GRK5: variants seen among roughly 807,000 people sequenced by gnomAD.
The protein encoded by GRK5 is G protein-coupled receptor kinase 5.
Under a neutral mutation model 78.4 loss-of-function variants are expected in GRK5, and 40 were observed. The ratio of observed to expected loss-of-function variants is 0.51; its 90% CI spans 0.40 to 0.66. The LOEUF (loss-of-function observed/expected upper bound fraction) is 0.66. Among genes scored for constraint, GRK5 ranks in the 30% least tolerant of loss-of-function variants. The probability of loss-of-function intolerance (pLI) is 0.00; values close to 1 mark genes in which losing one functional copy is unlikely to be tolerated. For missense variants in GRK5, 598 were observed against 759.9 expected (o/e 0.79, Z 2.50); for synonymous variants, 289 against 296.8 (o/e 0.97, Z 0.27).
chr10:119,325,212 G>C lies in GRK5; in HGVS notation c.53-1304G>C, dbSNP rs1052117242. 4.7e-4 allele frequency among the ~76,000 whole-genome samples: 72 copies of C among 152,314 alleles called. 1 individual carries two copies. Among genetic ancestry groups the C allele is most frequent in the Middle Eastern group, 3.4e-3 (1 of 294 alleles). On this transcript the variant is annotated intron_variant, in intron 1 of 15. Coordinates refer to ENST00000392870, the MANE Select transcript of GRK5 (RefSeq NM_005308.3). ...CCTACTTTTAAACACATGCTACCTT[G>C]TTTTCCCTCCTTTCAGCTTTGGGAG...
chr10:119,346,105 C>T (rs147595421), intron 2 of GRK5, among the ~76,000 whole-genome samples: 9 of 152,050 alleles, frequency 5.9e-5, no homozygotes, highest in East Asian at 5.8e-4. Context: ...CTAGAAGGTG[C>T]GTGTGCCTCC....
At chr10:119,383,122 C>T (rs1051083330) in intron 3 of GRK5, among the ~76,000 whole-genome samples, 5 of 152,126 alleles carry the variant, frequency 3.3e-5, no homozygotes, top group East Asian at 1.9e-4. Flanking sequence ...GGGGTCTCAC[C>T]GTGTTAGCCA....
At chr10:119,394,135 T>C (rs1851939450) in intron 3 of GRK5, among the ~76,000 whole-genome samples, 2 of 76,944 alleles carry the variant, frequency 2.6e-5, no homozygotes, top group South Asian at 4.7e-4. Flanking sequence ...TGTGTGTGGG[T>C]ATCTGTGGGT....
intron 1 of GRK5, among the ~76,000 whole-genome samples, chr10:119,254,856 AC>A (rs1173989151): frequency 1.3e-5 from 2 of 152,100 alleles, no homozygotes; most frequent in Non-Finnish European, 2.9e-5. Context: ...GGAGTTCGAG[AC>A]CAGCCTGGCC....
chr10:119,393,018 C>T (rs533663219), intron 3 of GRK5, among the ~76,000 whole-genome samples: 13 of 152,238 alleles, frequency 8.5e-5, no homozygotes, highest in Non-Finnish European at 1.3e-4. Context: ...TGGCCCCAGC[C>T]GTGTGGAGTG....
intron 3 of GRK5, among the ~76,000 whole-genome samples, chr10:119,395,884 G>T (rs984783949): frequency 6.6e-6 from 1 of 151,982 alleles, no homozygotes; most frequent in African/African-American, 2.4e-5. Flanking sequence ...TCCCACCGCC[G>T]GCCCTCGGGA....
intron 2 of GRK5, among the ~76,000 whole-genome samples, chr10:119,376,708 G>A (rs1301077457): frequency 2.6e-5 from 4 of 152,016 alleles, no homozygotes; most frequent in Non-Finnish European, 5.9e-5. Context: ...GGGATTACAG[G>A]TGCCTGCCAC....
At chr10:119,225,998 G>A (rs1405763281) in intron 1 of GRK5, among the ~76,000 whole-genome samples, 1 of 151,746 alleles carries the variant, frequency 6.6e-6, no homozygotes, top group East Asian at 1.9e-4. Flanking sequence ...ACAGGTGCCC[G>A]CCACCATGCC....
Position 119,431,059 on chromosome 10 carries a change from A to G in GRK5, c.598-328A>G, listed in dbSNP as rs1852807462. On this transcript the variant is annotated intron_variant, in intron 7 of 15. Coordinates refer to ENST00000392870, the MANE Select transcript of GRK5 (RefSeq NM_005308.3). This position sits in a 1 kb window ranked among gnomAD's most constrained non-coding sequence, Gnocchi z 4.8. The stretch of plus-strand genomic sequence containing the variant: ...ACAAACTTCTCTACCGGCAGCCGGT[A>G]GGAGAAAATCCTGTTGCCCTGGGAA... 6.6e-6 allele frequency among the ~76,000 whole-genome samples: 1 copy of G among 152,214 alleles called. No individual in the cohort carries two copies. Among genetic ancestry groups the G allele is most frequent in the African/African-American group, 2.4e-5 (1 of 41,456 alleles).
rs760455919 is a variant in GRK5 at position 119,443,526 on chromosome 10, C to G, written c.1058-18C>G. The G allele has an allele frequency of 2.5e-6, 4 of 1,591,438 alleles. No individual in the cohort carries two copies. Among genetic ancestry groups the G allele is most frequent in the Non-Finnish European group, 3.4e-6 (4 of 1,161,868 alleles). On this transcript the variant is annotated intron_variant, in intron 11 of 15. Transcript: ENST00000392870. Reference sequence around the variant, plus strand: ...GTCTCCCTCCTCCTCACTCCTCTCTCCTCTCCTCTGCCCCCAGCTCCAGAG... The same window carrying G: ...GTCTCCCTCCTCCTCACTCCTCTCTGCTCTCCTCTGCCCCCAGCTCCAGAG...
At chr10:119,381,081 A>C (rs1164338252) in intron 3 of GRK5, among the ~76,000 whole-genome samples, 154 bp downstream of exon 3, 3 of 152,204 alleles carry the variant, frequency 2.0e-5, no homozygotes, top group Non-Finnish European at 2.9e-5. Context: ...AGGAATGCAA[A>C]ATTGTCTGAG....
chr10:119,447,490 G>A (rs1222430376), intron 12 of GRK5, among the ~76,000 whole-genome samples: 1 of 152,086 alleles, frequency 6.6e-6, no homozygotes, highest in Non-Finnish European at 1.5e-5. Flanking sequence ...CCCTCTACCT[G>A]TATACCCCTC....
chr10:119,322,346 A>G (rs751743742), intron 1 of GRK5, among the ~76,000 whole-genome samples: 1 of 152,182 alleles, frequency 6.6e-6, no homozygotes, highest in African/African-American at 2.4e-5. Context: ...GCCTGCACCC[A>G]CTAGCTGCCA....
intron 4 of GRK5, among the ~76,000 whole-genome samples, chr10:119,413,230 G>A (rs1211293321): frequency 4.0e-5 from 6 of 151,788 alleles, no homozygotes; most frequent in African/African-American, 1.5e-4. Context: ...TCCTGAGATG[G>A]CCACGGCCCC....
At chr10:119,307,721 C>T (rs765515259) in intron 1 of GRK5, among the ~76,000 whole-genome samples, 3 of 152,126 alleles carry the variant, frequency 2.0e-5, no homozygotes, top group Non-Finnish European at 4.4e-5. Context: ...TAACTTGTTA[C>T]TGAAGCAAGA....
chr10:119,298,597 C>G (rs1015779312), intron 1 of GRK5, among the ~76,000 whole-genome samples: 1 of 152,124 alleles, frequency 6.6e-6, no homozygotes, highest in Non-Finnish European at 1.5e-5. Flanking sequence ...ACCCTGCATC[C>G]ACAAATGGCC....
In GRK5 at chr10:119,445,775, G is replaced by A. The variant is rs1853133989; in HGVS notation, c.1266+2023G>A. On this transcript the variant is annotated intron_variant, in intron 12 of 15. Transcript: ENST00000392870. This position sits in a 1 kb window ranked among gnomAD's most constrained non-coding sequence, Gnocchi z 4.1. ...CCTGACTTGCCAGGAGACCTCGCAG[G>A]TCCTGGGTTCACAGGGCTATTTCTA... 6.6e-6 allele frequency among the ~76,000 whole-genome samples: 1 copy of A among 152,148 alleles called. No individual in the cohort carries two copies. Among genetic ancestry groups the A allele is most frequent in the South Asian group, 2.1e-4 (1 of 4,816 alleles).
intron 4 of GRK5, among the ~76,000 whole-genome samples, chr10:119,421,655 A>G (rs7076813): frequency 0.78 from 118,270 of 152,150 alleles, 46,187 homozygotes; most frequent in African/African-American, 0.83. Context: ...GTGCTCTGAG[A>G]CTGCTGTTTG....
At chr10:119,301,951 T>C (rs1850190063) in intron 1 of GRK5, among the ~76,000 whole-genome samples, 2 of 152,356 alleles carry the variant, frequency 1.3e-5, no homozygotes, top group South Asian at 4.1e-4. Context: ...TCTGCTTTTG[T>C]AGTGCCAGGT....
Sources: gnomAD v4.1 joint callset for allele counts (sites outside exome capture counted in the v4.1 genomes callset) on GRCh38, gnomAD v4.1.1 for gene constraint, Gnocchi (gnomAD v3.1) non-coding constraint, MANE v1.5 for transcripts, NCBI Gene and HGNC (gene_info 2026-07-23, HGNC 2026-07-21) for gene names.